Variants in SLC30A8 observed in about 807,000 individuals in gnomAD.
SLC30A8 encodes proton-coupled zinc antiporter SLC30A8.
SLC30A8 carries 27 observed loss-of-function variants against 36.9 expected under a neutral mutation model. The observed-to-expected ratio is 0.73, with a 90% CI of 0.54 to 1.01. The LOEUF is 1.01. Ranked by LOEUF, SLC30A8 falls within the 50% of genes least tolerant of loss-of-function variation. The pLI is 0.00. For synonymous variants in SLC30A8, 164 were observed against 172.4 expected, an observed-to-expected ratio of 0.95 and a Z score of 0.38; for missense variants, 439 against 452.0, an observed-to-expected ratio of 0.97 and a Z score of 0.26.
chr8:117,164,422 A>C (rs1822956567), intron 6 of SLC30A8, among the ~76,000 whole-genome samples: 1 of 151,914 alleles, frequency 6.6e-6, no homozygotes, highest in Non-Finnish European at 1.5e-5. Flanking sequence ...AAAATGCAAA[A>C]TATTACCTGG....
At chr8:117,099,911 T>C (rs980812750) in intron 2 of SLC30A8, among the ~76,000 whole-genome samples, 2 of 152,212 alleles carry the variant, frequency 1.3e-5, no homozygotes, top group Non-Finnish European at 2.9e-5. Context: ...GTAGGTACTA[T>C]TGTTATATAT....
chr8:117,067,936 G>A (rs1818217737), intron 2 of SLC30A8, among the ~76,000 whole-genome samples: 1 of 152,140 alleles, frequency 6.6e-6, no homozygotes, highest in South Asian at 2.1e-4. Context: ...AATTGACTAT[G>A]GTGGTGCAGG....
At chr8:116,964,311 A>G (rs1162979767) in intron 1 of SLC30A8, among the ~76,000 whole-genome samples, 2 of 152,238 alleles carry the variant, frequency 1.3e-5, no homozygotes, top group African/African-American at 2.4e-5. Flanking sequence ...CTAATGAACT[A>G]AAACCCAAGA....
At chr8:117,023,181 A>T (rs1039570754) in intron 1 of SLC30A8, among the ~76,000 whole-genome samples, 5 of 152,250 alleles carry the variant, frequency 3.3e-5, no homozygotes, top group Admixed American at 3.3e-4. Context: ...ATACCATCTC[A>T]CACCAGTTAG....
chr8:117,167,480 C>CATATATATATATATATATATATATAT (rs370309015), intron 6 of SLC30A8, among the ~76,000 whole-genome samples: 12 of 121,038 alleles, frequency 9.9e-5, no homozygotes, highest in African/African-American at 2.5e-4. Flanking sequence ...TGTGCATTTG[C>CATATATATATATATATATATATATAT]ATATATATAT....
chr8:117,005,582 G>C (rs914353134), intron 1 of SLC30A8, among the ~76,000 whole-genome samples: 1 of 152,082 alleles, frequency 6.6e-6, no homozygotes, highest in African/African-American at 2.4e-5. Flanking sequence ...ATTCTTTTGG[G>C]TGTATACCTA....
At chr8:117,153,173 G>C (rs1342099502) in intron 3 of SLC30A8, 83 bp downstream of exon 3, 2 of 1,394,156 alleles carry the variant, frequency 1.4e-6, no homozygotes, top group Non-Finnish European at 1.9e-6. Flanking sequence ...ACGAAGCAAA[G>C]CCTTGTTGGA....
intron 1 of SLC30A8, among the ~76,000 whole-genome samples, chr8:117,031,963 A>G (rs1266521200): frequency 6.6e-6 from 1 of 152,012 alleles, no homozygotes; most frequent in Non-Finnish European, 1.5e-5. Flanking sequence ...TTTCCTTTCC[A>G]CTTTCACTCC....
At chr8:117,037,833 T>G (rs1448849403) in intron 1 of SLC30A8, among the ~76,000 whole-genome samples, 1 of 152,066 alleles carries the variant, frequency 6.6e-6, no homozygotes, top group Non-Finnish European at 1.5e-5. Flanking sequence ...CATTCTGTGG[T>G]AAGGGAGGCA....
intron 2 of SLC30A8, among the ~76,000 whole-genome samples, chr8:117,127,623 A>ATAAG (rs1027650675): frequency 6.6e-6 from 1 of 152,056 alleles, no homozygotes; most frequent in Non-Finnish European, 1.5e-5. Flanking sequence ...GCACAATGTT[A>ATAAG]TAAGTTTGTA....
intron 1 of SLC30A8, among the ~76,000 whole-genome samples, chr8:117,139,101 TA>T (rs1231166676): frequency 6.6e-6 from 1 of 151,818 alleles, no homozygotes; most frequent in Non-Finnish European, 1.5e-5. Context: ...GAAAAAGAGG[TA>T]AAAAATGCCC....
intron 2 of SLC30A8, among the ~76,000 whole-genome samples, chr8:117,073,288 A>T (rs1444494565): frequency 6.7e-6 from 1 of 148,270 alleles, no homozygotes; most frequent in East Asian, 2.0e-4. Flanking sequence ...ACTGAGTCTC[A>T]CTCTGTCACC....
At chr8:117,029,385 GTTTTA>G (rs1464452870) in intron 1 of SLC30A8, among the ~76,000 whole-genome samples, 1 of 152,082 alleles carries the variant, frequency 6.6e-6, no homozygotes, top group African/African-American at 2.4e-5. Flanking sequence ...TAGATTATTT[GTTTTA>G]TTTTAAGAGA....
At chr8:116,976,451 T>C (rs1292363194) in intron 1 of SLC30A8, among the ~76,000 whole-genome samples, 2 of 152,152 alleles carry the variant, frequency 1.3e-5, no homozygotes, top group African/African-American at 4.8e-5. Context: ...CAAGTAGTTG[T>C]ATTCCCCAAG....
At chr8:117,018,107 C>G (rs1050709678) in intron 1 of SLC30A8, 3 of 152,184 alleles carry the variant, frequency 2.0e-5, no homozygotes, top group African/African-American at 7.2e-5. Flanking sequence ...GAACAGAAAA[C>G]CACCAGGTTG....
At chr8:117,154,885 T>C (rs570901369) in intron 3 of SLC30A8, among the ~76,000 whole-genome samples, 117 of 152,330 alleles carry the variant, frequency 7.7e-4, no homozygotes, top group African/African-American at 2.7e-3. Flanking sequence ...TAGAACTCTC[T>C]GCTGCGAGGG....
In SLC30A8 at chr8:117,009,160, G is replaced by C. The variant is rs116108816; in HGVS notation, c.-265-30059G>C. On this transcript the variant is annotated intron_variant, in intron 1 of 10. Transcript: ENST00000427715. ...AACTCAGTCATACTCAAACTAAACT[G>C]CTGGACTTCGATGGCTTAAAGAGTT... is the stretch of plus-strand genomic sequence containing the variant. Among the ~76,000 whole-genome samples the C allele has an allele frequency of 6.4e-3, 975 of 152,252 alleles. 14 individuals carry two copies. Among genetic ancestry groups the C allele is most frequent in the African/African-American group, 0.023 (936 of 41,524 alleles).
rs772319336 is a variant in SLC30A8 at position 117,173,451 on chromosome 8, C to G, written c.*770C>G. The G allele has an allele frequency of 1.3e-5, 2 of 152,132 alleles. No homozygotes were observed. The highest frequency in any genetic ancestry group is 2.4e-5 in the African/African-American group (1 of 41,432). The allele number at this position is 152,132 out of a possible 1,614,324, so 9.4% of individuals were successfully genotyped here. ...AGCCGACAAAAACATTCGAGTTGAC[C>G]CCACCAAGTTGTTGCCACAGATAAT... On this transcript the variant is annotated 3_prime_UTR_variant, in exon 8 of 8. Transcript: ENST00000456015.
In SLC30A8 at chr8:117,147,172, T is replaced by A. The variant is rs1027359754; in HGVS notation, c.271+19T>A. The A allele has an allele frequency of 1.2e-6, 2 of 1,607,590 alleles. No individual in the cohort carries two copies. The highest frequency in any genetic ancestry group is 1.7e-6 in the Non-Finnish European group (2 of 1,175,692). Reference sequence around the variant, plus strand: ...GTCGTGGGTGAGTCTTTCTGCAGACTTTTTTCATTAAACAACCAAACAAAA... The same window carrying A: ...GTCGTGGGTGAGTCTTTCTGCAGACATTTTTCATTAAACAACCAAACAAAA... On this transcript the variant is annotated intron_variant, in intron 2 of 7. Transcript: ENST00000456015.
Sources: gnomAD v4.1 joint callset for allele counts (sites outside exome capture counted in the v4.1 genomes callset) on GRCh38, gnomAD v4.1.1 for gene constraint, MANE v1.5 for transcripts, NCBI Gene and HGNC (gene_info 2026-07-23, HGNC 2026-07-21) for gene names.